The following ARMH4 variants were observed in gnomAD, a reference collection of about 807,000 sequenced individuals.
ARMH4 encodes armadillo like helical domain containing 4, also known as armadillo-like helical domain-containing protein 4.
ARMH4 carries 49 observed loss-of-function variants against 61.9 expected under a neutral mutation model. The ratio of observed to expected loss-of-function variants is 0.79; its 90% CI spans 0.63 to 1.00. The LOEUF (loss-of-function observed/expected upper bound fraction) is 1.00. ARMH4 is among the 50% of genes least tolerant of loss of function. ARMH4 has a pLI of 0.00. For synonymous variants in ARMH4, 368 were observed against 341.5 expected, an observed-to-expected ratio of 1.08 and a Z score of -0.85; for missense variants, 934 against 930.0, an observed-to-expected ratio of 1.00 and a Z score of -0.06.
At chr14:58,094,161 C>G (rs1462282745) in intron 5 of ARMH4, among the ~76,000 whole-genome samples, 1 of 151,842 alleles carries the variant, frequency 6.6e-6, no homozygotes, top group Non-Finnish European at 1.5e-5. Context: ...GAAACCCTGT[C>G]TCTACTAAAA....
chr14:58,087,746 C>T (rs1885428243), intron 5 of ARMH4, among the ~76,000 whole-genome samples: 1 of 152,152 alleles, frequency 6.6e-6, no homozygotes, highest in African/African-American at 2.4e-5. Flanking sequence ...TCAAGAAAAA[C>T]TTGGACAACC....
Position 58,138,704 on chromosome 14 carries a change from TGGTGGTTA to T in ARMH4, c.647_654del (p.Leu216GlnfsTer5). The T allele has an allele frequency of 1.2e-6, 2 of 1,614,164 alleles. No homozygotes were observed. Among genetic ancestry groups the T allele is most frequent in the South Asian group, 2.2e-5 (2 of 91,092 alleles). ...GCTTCAAATTTCTCAGTCTTTGGAT[TGGTGGTTA>T]GCATTTCCTTAGTATTCACATAGGA... On this transcript the variant is annotated frameshift_variant, in exon 2 of 8. Coordinates refer to ENST00000267485, the MANE Select transcript of ARMH4 (RefSeq NM_001001872.4). LOFTEE classifies it high-confidence loss of function.
rs1882075124 is a variant in ARMH4, at chr14:58,004,148, T to C, written c.*588A>G. The C allele has an allele frequency of 1.3e-5, 2 of 152,212 alleles. No individual in the cohort carries two copies. Among genetic ancestry groups the C allele is most frequent in the Non-Finnish European group, 2.9e-5 (2 of 68,040 alleles). 9.4% of individuals were successfully genotyped at this position (152,212 alleles called of 1,614,324 possible). On this transcript the variant is annotated 3_prime_UTR_variant, in exon 8 of 8. Coordinates refer to ENST00000267485, the MANE Select transcript of ARMH4 (RefSeq NM_001001872.4). ...GGTGAGAATAATAAAACTAGGAGAC[T>C]GAAGTACATAATGCAAAATACATAC...
chr14:58,037,057 G>A (rs1432944215), intron 5 of ARMH4, among the ~76,000 whole-genome samples: 1 of 63,862 alleles, frequency 1.6e-5, no homozygotes, highest in Non-Finnish European at 3.3e-5. Context: ...CTACTTTAAA[G>A]TTCATATGGA....
At chr14:58,047,796 T>C (rs1883991872) in intron 5 of ARMH4, among the ~76,000 whole-genome samples, 1 of 152,090 alleles carries the variant, frequency 6.6e-6, no homozygotes, top group Non-Finnish European at 1.5e-5. Context: ...GATGGGAGGT[T>C]GCACTGCATA....
intron 5 of ARMH4, among the ~76,000 whole-genome samples, chr14:58,032,610 CG>C (rs1228049329): frequency 1.3e-5 from 2 of 152,072 alleles, no homozygotes; most frequent in East Asian, 1.9e-4. Flanking sequence ...ACGCAGAAGA[CG>C]GGTGATTTCT....
intron 5 of ARMH4, among the ~76,000 whole-genome samples, chr14:58,050,164 A>T (rs1411209458): frequency 6.6e-6 from 1 of 152,152 alleles, no homozygotes; most frequent in Non-Finnish European, 1.5e-5. Flanking sequence ...CATTTTCCCA[A>T]TGGCTTTTAC....
At chr14:58,128,352 C>T (rs1199979198) in intron 4 of ARMH4, among the ~76,000 whole-genome samples, 2 of 151,976 alleles carry the variant, frequency 1.3e-5, no homozygotes, top group Admixed American at 6.6e-5. Flanking sequence ...TTAATTTATG[C>T]AGTTATAAAA....
At chr14:58,005,872 C>G (rs1882153608) in intron 6 of ARMH4, among the ~76,000 whole-genome samples, 1 of 152,186 alleles carries the variant, frequency 6.6e-6, no homozygotes, top group Non-Finnish European at 1.5e-5. Context: ...ATGGAATCAC[C>G]TTCCCAACAG....
In ARMH4 at chr14:58,138,985, A is replaced by G. The variant is rs1887429098; in HGVS notation, c.374T>C (p.Val125Ala). The G allele has an allele frequency of 6.2e-7, 1 of 1,614,076 alleles. No individual in the cohort carries two copies. The highest frequency in any genetic ancestry group is 1.3e-5 in the African/African-American group (1 of 74,924). Residue 125 changes from valine (V) to alanine (A), a missense_variant, in exon 2 of 8, where the codon GTA becomes GCA. Val to Ala is a moderately conservative substitution (Grantham distance 64, BLOSUM62 0). Transcript: ENST00000267485. The part of the protein sequence containing the change: ...TESGVPSAEE[V>A]FGSSQPERIS... Reference sequence around the variant, plus strand: ...TCTCTCTGGCTGGCTGGAACCAAATACTTCTTCAGCTGAGGGGACACCTGA... The same window carrying G: ...TCTCTCTGGCTGGCTGGAACCAAATGCTTCTTCAGCTGAGGGGACACCTGA...
At chr14:58,112,920 CTT>C (rs1279245300) in intron 4 of ARMH4, among the ~76,000 whole-genome samples, 2 of 152,100 alleles carry the variant, frequency 1.3e-5, no homozygotes, top group Non-Finnish European at 2.9e-5. Flanking sequence ...AGATTTCTCT[CTT>C]TGTCTTCATT....
chr14:58,043,011 A>T (rs1883782215), intron 5 of ARMH4, among the ~76,000 whole-genome samples: 1 of 152,230 alleles, frequency 6.6e-6, no homozygotes, highest in Non-Finnish European at 1.5e-5. Context: ...TCACAGCCGA[A>T]TTCTACCACA....
chr14:58,119,507 T>C (rs1886648894), intron 4 of ARMH4, among the ~76,000 whole-genome samples: 1 of 152,182 alleles, frequency 6.6e-6, no homozygotes, highest in Non-Finnish European at 1.5e-5. Context: ...TCACATATAG[T>C]TCCAAGCTAC....
intron 1 of ARMH4, among the ~76,000 whole-genome samples, chr14:58,143,633 T>C (rs2139994510): frequency 6.6e-6 from 1 of 152,056 alleles, no homozygotes; most frequent in African/African-American, 2.4e-5. Flanking sequence ...CTGGCTAGTT[T>C]TTGTATTTTT....
At chr14:58,011,173 T>C (rs898125462) in intron 6 of ARMH4, among the ~76,000 whole-genome samples, 1 of 152,146 alleles carries the variant, frequency 6.6e-6, no homozygotes, top group African/African-American at 2.4e-5. Flanking sequence ...AATAGTCTCA[T>C]TCTCAAAAAC....
At chr14:58,049,052 A>G (rs1248498663) in intron 5 of ARMH4, among the ~76,000 whole-genome samples, 1 of 152,090 alleles carries the variant, frequency 6.6e-6, no homozygotes, top group Non-Finnish European at 1.5e-5. Flanking sequence ...CCTGGCTAAC[A>G]TGGTGAAACC....
chr14:58,123,047 T>A (rs984355851), intron 4 of ARMH4, among the ~76,000 whole-genome samples: 1 of 152,160 alleles, frequency 6.6e-6, no homozygotes, highest in African/African-American at 2.4e-5. Context: ...GTCCTCCAGA[T>A]CTGTCACTAT....
intron 5 of ARMH4, among the ~76,000 whole-genome samples, chr14:58,052,415 T>A (rs1001526691): frequency 6.6e-6 from 1 of 151,872 alleles, no homozygotes; most frequent in African/African-American, 2.4e-5. Flanking sequence ...GCGGGTTTCA[T>A]GGGAACATTC....
At chr14:58,111,382 C>T (rs557014846) in intron 4 of ARMH4, among the ~76,000 whole-genome samples, 1 of 152,222 alleles carries the variant, frequency 6.6e-6, no homozygotes, top group South Asian at 2.1e-4. Flanking sequence ...ATCCAATATG[C>T]ACACAATGTC....
Sources: gnomAD v4.1 joint callset for allele counts (sites outside exome capture counted in the v4.1 genomes callset) on GRCh38, gnomAD v4.1.1 for gene constraint, MANE v1.5 for transcripts, NCBI Gene and HGNC (gene_info 2026-07-23, HGNC 2026-07-21) for gene names.